Variants in NXPE4 observed in about 807,000 individuals in gnomAD.
NXPE4 encodes the protein neurexophilin and PC-esterase domain family member 4, also known as NXPE family member 4.
A neutral mutation model predicts 33.3 loss-of-function variants in NXPE4; 42 were observed. The observed-to-expected ratio is 1.26, with a 90% CI of 0.98 to 1.63. The LOEUF (loss-of-function observed/expected upper bound fraction) is 1.63, where lower values mean the gene tolerates loss of function less well. Among genes scored for constraint, NXPE4 ranks in the 40% most tolerant of loss-of-function variants. The pLI, the probability that NXPE4 is intolerant of heterozygous loss-of-function variation, is 0.00. For missense variants in NXPE4, 709 were observed against 647.6 expected (o/e 1.09, Z -1.03); for synonymous variants, 253 against 234.9 (o/e 1.08, Z -0.71).
chr11:114,610,388 G>A, the NXPE4 span, among the ~76,000 whole-genome samples: 1 of 151,822 alleles, frequency 6.6e-6, no homozygotes, highest in Non-Finnish European at 1.5e-5. Context: ...TTGCCTCGTG[G>A]GTAACCACTG....
the NXPE4 span, among the ~76,000 whole-genome samples, chr11:114,618,486 G>A: frequency 2.0e-5 from 3 of 152,026 alleles, no homozygotes; most frequent in African/African-American, 7.2e-5. Context: ...TGGATAATAA[G>A]TGTTGCCTCG....
the NXPE4 span, among the ~76,000 whole-genome samples, chr11:114,633,471 G>A: frequency 6.9e-6 from 1 of 143,984 alleles, no homozygotes; most frequent in South Asian, 2.2e-4. Flanking sequence ...TTTTATTTTA[G>A]TATTATTATA....
the NXPE4 span, among the ~76,000 whole-genome samples, chr11:114,631,067 C>T: frequency 4.0e-5 from 6 of 151,754 alleles, no homozygotes; most frequent in African/African-American, 1.5e-4. Context: ...CACTTTTACA[C>T]TGTTGGTGGG....
chr11:114,639,922 A>G, the NXPE4 span, among the ~76,000 whole-genome samples: 9 of 114,194 alleles, frequency 7.9e-5, no homozygotes, highest in South Asian at 2.5e-4. Context: ...ATAATATTAT[A>G]TTATATATTA....
intron 5 of NXPE4, among the ~76,000 whole-genome samples, chr11:114,576,031 C>T (rs1948987455): frequency 6.6e-6 from 1 of 152,044 alleles, no homozygotes. Context: ...GAATACAGAA[C>T]CCAGAAATAA....
At chr11:114,604,121 G>A in the NXPE4 span, among the ~76,000 whole-genome samples, 1 of 151,984 alleles carries the variant, frequency 6.6e-6, no homozygotes, top group Non-Finnish European at 1.5e-5. Context: ...AATAAGTATT[G>A]CCTCATAGGT....
chr11:114,634,148 T>C, the NXPE4 span, among the ~76,000 whole-genome samples: 24,573 of 151,102 alleles, frequency 0.16, 2,577 homozygotes, highest in Non-Finnish European at 0.22. Flanking sequence ...TTTTAATGAT[T>C]GCCATTCTAA....
chr11:114,658,295 T>C, the NXPE4 span, among the ~76,000 whole-genome samples: 5 of 152,142 alleles, frequency 3.3e-5, no homozygotes, highest in African/African-American at 1.2e-4. Flanking sequence ...GTAAGAAGAA[T>C]TTGGCTAAAT....
chr11:114,627,967 T>G, the NXPE4 span, among the ~76,000 whole-genome samples: 27,119 of 151,652 alleles, frequency 0.18, 2,793 homozygotes, highest in Non-Finnish European at 0.22. Flanking sequence ...CAAGAAGAGC[T>G]AACTATCCTA....
At chr11:114,577,128 T>C (rs1239948073) in intron 5 of NXPE4, among the ~76,000 whole-genome samples, 2 of 142,062 alleles carry the variant, frequency 1.4e-5, no homozygotes, top group Non-Finnish European at 3.0e-5. Context: ...TATATAAAGT[T>C]ATATATATAT....
chr11:114,599,161 A>G (rs1464609314), upstream of NXPE4, among the ~76,000 whole-genome samples: 1 of 152,112 alleles, frequency 6.6e-6, no homozygotes, highest in African/African-American at 2.4e-5. Flanking sequence ...CAGATACCTT[A>G]AATCATCACT....
At chr11:114,636,930 G>T in the NXPE4 span, among the ~76,000 whole-genome samples, 2 of 152,236 alleles carry the variant, frequency 1.3e-5, no homozygotes, top group Admixed American at 1.3e-4. Flanking sequence ...TGAAAAAAAT[G>T]TATATTCTGT....
intron 2 of NXPE4, among the ~76,000 whole-genome samples, chr11:114,593,552 G>T (rs1281587444): frequency 2.0e-5 from 3 of 152,048 alleles, no homozygotes; most frequent in Admixed American, 1.3e-4. Flanking sequence ...GTGGAGAAAA[G>T]GGAACACTTG....
chr11:114,620,755 T>A, the NXPE4 span, among the ~76,000 whole-genome samples: 1 of 152,038 alleles, frequency 6.6e-6, no homozygotes, highest in Non-Finnish European at 1.5e-5. Flanking sequence ...ATAATAAGTA[T>A]TGCCTCATGT....
chr11:114,602,127 A>C, the NXPE4 span, among the ~76,000 whole-genome samples: 1 of 102,040 alleles, frequency 9.8e-6, no homozygotes, highest in African/African-American at 4.1e-5. Context: ...TATATATATT[A>C]TACATAACAT....
chr11:114,625,705 C>G, the NXPE4 span, among the ~76,000 whole-genome samples: 1 of 152,160 alleles, frequency 6.6e-6, no homozygotes, highest in Non-Finnish European at 1.5e-5. Context: ...CCCCGGTCTA[C>G]AGCTCCCAGC....
At chr11:114,630,712 A>C in the NXPE4 span, among the ~76,000 whole-genome samples, 1 of 151,514 alleles carries the variant, frequency 6.6e-6, no homozygotes, top group Non-Finnish European at 1.5e-5. Context: ...ACAGCAAAAG[A>C]AACTACCATC....
chr11:114,605,081 A>T, the NXPE4 span, among the ~76,000 whole-genome samples: 4 of 151,140 alleles, frequency 2.6e-5, no homozygotes, highest in Non-Finnish European at 4.4e-5. Context: ...GTGGATAATA[A>T]ATATTGCCTC....
the NXPE4 span, among the ~76,000 whole-genome samples, chr11:114,654,388 A>C: frequency 6.6e-6 from 1 of 151,990 alleles, no homozygotes; most frequent in Admixed American, 6.6e-5. Flanking sequence ...ACACATGCAG[A>C]ATGTGCAGGT....
Sources: gnomAD v4.1 joint callset for allele counts (sites outside exome capture counted in the v4.1 genomes callset) on GRCh38, gnomAD v4.1.1 for gene constraint, MANE v1.5 for transcripts, NCBI Gene and HGNC (gene_info 2026-07-23, HGNC 2026-07-21) for gene names.